GPR107: variants seen among roughly 807,000 people sequenced by gnomAD.
The protein encoded by GPR107 is G protein-coupled receptor 107.
In GPR107, 31 loss-of-function variants were observed where a neutral mutation model predicts 75.5. That is an observed-to-expected ratio of 0.41 (90% confidence interval 0.31 to 0.55). The LOEUF (loss-of-function observed/expected upper bound fraction) is 0.55, where lower values mean the gene tolerates loss of function less well. Ranked by LOEUF, GPR107 falls within the 20% of genes least tolerant of loss-of-function variation. The probability of loss-of-function intolerance (pLI) is 0.26; values close to 1 mark genes in which losing one functional copy is unlikely to be tolerated. For missense variants in GPR107, 572 were observed against 665.7 expected (o/e 0.86, Z 1.55); for synonymous variants, 267 against 251.3 (o/e 1.06, Z -0.59).
chr9:130,085,311 AAG>A (rs1473317095), intron 6 of GPR107, among the ~76,000 whole-genome samples: 1 of 152,128 alleles, frequency 6.6e-6, no homozygotes, highest in Non-Finnish European at 1.5e-5. Context: ...ATGGGAGGGA[AAG>A]AGAGGAGCAG....
At chr9:130,110,341 C>T (rs1831265142) in intron 14 of GPR107, 2 of 1,423,880 alleles carry the variant, frequency 1.4e-6, no homozygotes, top group Non-Finnish European at 1.9e-6. Context: ...CCTGGGCACA[C>T]AAGGCAGTTT....
chr9:130,126,431 C>T (rs1589531385), intron 15 of GPR107, among the ~76,000 whole-genome samples: 2 of 151,042 alleles, frequency 1.3e-5, no homozygotes, highest in East Asian at 3.9e-4. Context: ...CTGCAACCTC[C>T]GCCTCTTGGG....
chr9:130,120,485 G>A (rs1056227669), intron 14 of GPR107, among the ~76,000 whole-genome samples: 1 of 152,048 alleles, frequency 6.6e-6, no homozygotes, highest in East Asian at 1.9e-4. Context: ...CTCCCCATCC[G>A]CATTTCCTTC....
chr9:130,083,373 A>G (rs1364793481), intron 5 of GPR107, 192 bp from the exon 6 acceptor site: 1 of 384,778 alleles, frequency 2.6e-6, no homozygotes, highest in Non-Finnish European at 4.6e-6. Context: ...ATAATATAAC[A>G]AGGTCTAATT....
intron 9 of GPR107, among the ~76,000 whole-genome samples, chr9:130,097,163 T>TC (rs1463386648): frequency 2.2e-4 from 32 of 147,146 alleles, no homozygotes; most frequent in East Asian, 1.4e-3. Context: ...TTCTTTTTTT[T>TC]TTTTTTTTTG....
chr9:130,075,264 A>G (rs1200386518), intron 1 of GPR107, among the ~76,000 whole-genome samples: 3 of 59,908 alleles, frequency 5.0e-5, no homozygotes, highest in African/African-American at 2.6e-4. Flanking sequence ...TTTTTTTTTG[A>G]GACAGAGTCT....
intron 12 of GPR107, among the ~76,000 whole-genome samples, chr9:130,102,955 TA>T (rs1309542266): frequency 1.9e-4 from 2 of 10,314 alleles, no homozygotes; most frequent in Admixed American, 1.0e-3. Context: ...GACTAATTTT[TA>T]ATTTTTTTTT....
chr9:130,072,527 G>A (rs924699034), intron 1 of GPR107, among the ~76,000 whole-genome samples: 3 of 151,554 alleles, frequency 2.0e-5, no homozygotes, highest in Admixed American at 6.6e-5. Context: ...CCTTGATCTC[G>A]AACTCTTGAC....
intron 14 of GPR107, among the ~76,000 whole-genome samples, chr9:130,109,343 G>A (rs1185731903): frequency 6.6e-6 from 1 of 151,624 alleles, no homozygotes; most frequent in Middle Eastern, 3.2e-3. Context: ...GCTAATTTTT[G>A]TGTTTTTAGT....
chr9:130,054,392 C>G (rs1326263523), intron 1 of GPR107, among the ~76,000 whole-genome samples: 1 of 152,140 alleles, frequency 6.6e-6, no homozygotes, highest in Non-Finnish European at 1.5e-5. Context: ...CAGGGCAGCC[C>G]GATCGCCTTT....
chr9:130,135,262 C>G lies in GPR107; in HGVS notation c.*141C>G. 1.8e-6 allele frequency: 1 copy of G among 552,524 alleles called. No homozygotes were observed. The highest frequency in any genetic ancestry group is 3.1e-5 in the East Asian group (1 of 32,162). 34.2% of individuals were successfully genotyped at this position (552,524 alleles called of 1,614,324 possible). A position where few individuals can be genotyped will look rare whatever the true frequency, so the allele number is the denominator to read the frequency against. The stretch of plus-strand genomic sequence containing the variant: ...AGGGCACATGGCTGGAGCACAGTGC[C>G]GCGGAAACCTGATTTTGTACTCTCT... On this transcript the variant is annotated 3_prime_UTR_variant, in exon 18 of 18. Transcript: ENST00000347136.
intron 14 of GPR107, among the ~76,000 whole-genome samples, chr9:130,116,195 T>C (rs983978121): frequency 2.0e-5 from 3 of 152,304 alleles, no homozygotes; most frequent in East Asian, 3.9e-4. Context: ...GTTGGGAATC[T>C]AGAACTTCAG....
intron 1 of GPR107, among the ~76,000 whole-genome samples, chr9:130,054,410 C>A (rs1195960949): frequency 1.3e-5 from 2 of 152,216 alleles, no homozygotes; most frequent in Non-Finnish European, 2.9e-5. Context: ...TTTCTTCTTT[C>A]TCCCCTCCAG....
intron 1 of GPR107, among the ~76,000 whole-genome samples, chr9:130,071,536 G>C (rs1830211905): frequency 1.3e-5 from 2 of 151,870 alleles, no homozygotes; most frequent in South Asian, 4.1e-4. Context: ...CGCTACCGTG[G>C]GGCTGCTTCT....
intron 14 of GPR107, among the ~76,000 whole-genome samples, chr9:130,107,938 C>T (rs1179376154): frequency 2.6e-5 from 4 of 152,232 alleles, no homozygotes; most frequent in African/African-American, 9.6e-5. Context: ...TGATTTAACA[C>T]ACTTTCAAAA....
At chr9:130,098,703 A>G (rs1288532282) in intron 9 of GPR107, among the ~76,000 whole-genome samples, 1 of 152,140 alleles carries the variant, frequency 6.6e-6, no homozygotes, top group Non-Finnish European at 1.5e-5. Context: ...TTTTACCAGC[A>G]AAACGTACTT....
At chr9:130,122,200 A>G (rs1185317534) in intron 14 of GPR107, among the ~76,000 whole-genome samples, 1 of 152,116 alleles carries the variant, frequency 6.6e-6, no homozygotes, top group Non-Finnish European at 1.5e-5. Flanking sequence ...CTCAGGAGAG[A>G]CTTTTAAAGC....
intron 1 of GPR107, among the ~76,000 whole-genome samples, chr9:130,062,660 GCCTTCCTTCCTTCCTT>G (rs1199165645): frequency 0.021 from 1,430 of 69,074 alleles, 26 homozygotes; most frequent in African/African-American, 0.076. Context: ...CTGCCTGCCT[GCCTTCCTTCCTTCCTT>G]CCTTCCTTCC....
At chr9:130,128,914 G>A (rs142344029) in intron 17 of GPR107, 153 bp downstream of exon 17, 1 of 686,198 alleles carries the variant, frequency 1.5e-6, no homozygotes, top group African/African-American at 1.8e-5. Flanking sequence ...TGGAGCCCCA[G>A]GCTGTCTGAT....
Sources: gnomAD v4.1 joint callset for allele counts (sites outside exome capture counted in the v4.1 genomes callset) on GRCh38, gnomAD v4.1.1 for gene constraint, MANE v1.5 for transcripts, NCBI Gene and HGNC (gene_info 2026-07-23, HGNC 2026-07-21) for gene names.